Variants in PRKG1 observed in about 807,000 individuals in gnomAD.
PRKG1 encodes the protein protein kinase cGMP-dependent 1.
A neutral mutation model predicts 88.1 loss-of-function variants in PRKG1; 35 were observed. That is an observed-to-expected ratio of 0.40 (90% CI 0.30 to 0.53). PRKG1 has a LOEUF of 0.53. Among genes scored for constraint, PRKG1 ranks in the 20% least tolerant of loss-of-function variants. The pLI is 0.59. For missense variants in PRKG1, 540 were observed against 839.8 expected (o/e 0.64, Z 4.41); for synonymous variants, 303 against 292.5 (o/e 1.04, Z -0.37).
intron 7 of PRKG1, among the ~76,000 whole-genome samples, chr10:52,079,945 A>T (rs1300938881): frequency 6.6e-6 from 1 of 152,164 alleles, no homozygotes; most frequent in African/African-American, 2.4e-5. Context: ...GTCCCATGAT[A>T]GGTCCATAAA....
chr10:51,448,223 G>A (rs1037325898), intron 2 of PRKG1, among the ~76,000 whole-genome samples: 56 of 151,944 alleles, frequency 3.7e-4, no homozygotes, highest in African/African-American at 1.3e-3. Flanking sequence ...ACTCCATTCT[G>A]GGCAATAGAG....
At chr10:51,792,161 G>C (rs1280439477) in intron 3 of PRKG1, among the ~76,000 whole-genome samples, 1 of 152,072 alleles carries the variant, frequency 6.6e-6, no homozygotes, top group African/African-American at 2.4e-5. Context: ...GCTCACAAGT[G>C]ATTGTGTGAT....
intron 3 of PRKG1, among the ~76,000 whole-genome samples, chr10:51,780,286 A>T (rs1399489992): frequency 1.3e-5 from 2 of 152,106 alleles, no homozygotes; most frequent in Non-Finnish European, 2.9e-5. Flanking sequence ...CTTTCCCTAC[A>T]TACTTTCTTC....
At chr10:51,147,956 C>T (rs897161562) in intron 1 of PRKG1, among the ~76,000 whole-genome samples, 4 of 152,170 alleles carry the variant, frequency 2.6e-5, no homozygotes, top group African/African-American at 9.6e-5. Context: ...TAGTTCTTAG[C>T]TCTTAGCCAG....
chr10:51,313,892 T>A (rs1279937942), intron 2 of PRKG1, among the ~76,000 whole-genome samples: 1 of 152,208 alleles, frequency 6.6e-6, no homozygotes, highest in Non-Finnish European at 1.5e-5. Flanking sequence ...GTTTTGCTTT[T>A]TGGAATTTCA....
intron 7 of PRKG1, among the ~76,000 whole-genome samples, chr10:52,082,685 A>G (rs1171699401): frequency 1.3e-5 from 2 of 152,120 alleles, no homozygotes; most frequent in Non-Finnish European, 2.9e-5. Flanking sequence ...GAAAGCACAC[A>G]CATTCTTTTT....
intron 9 of PRKG1, among the ~76,000 whole-genome samples, chr10:52,166,829 G>GTATATATGTA (rs1838474129): frequency 1.8e-4 from 1 of 5,578 alleles, no homozygotes; most frequent in African/African-American, 5.6e-4. Flanking sequence ...GTATATATAT[G>GTATATATGTA]TATATATATG....
intron 3 of PRKG1, among the ~76,000 whole-genome samples, chr10:51,763,603 CAAAAA>C (rs34657565): frequency 8.1e-6 from 1 of 124,062 alleles, no homozygotes; most frequent in Non-Finnish European, 1.7e-5. Context: ...TGATCAAATG[CAAAAA>C]AAAAAAAAAA....
chr10:51,747,000 A>G (rs1301566850), intron 3 of PRKG1, among the ~76,000 whole-genome samples: 2 of 152,182 alleles, frequency 1.3e-5, no homozygotes, highest in Non-Finnish European at 1.5e-5. Flanking sequence ...CTCTCCTGTC[A>G]TTCTTGATTC....
intron 2 of PRKG1, among the ~76,000 whole-genome samples, chr10:51,198,760 AAGTT>A (rs984832365): frequency 7.2e-5 from 11 of 152,160 alleles, no homozygotes; most frequent in African/African-American, 2.4e-4. Context: ...TCCGGGTAGA[AAGTT>A]AGTTAGACCT....
intron 9 of PRKG1, among the ~76,000 whole-genome samples, chr10:52,246,408 G>C (rs887800145): frequency 2.7e-5 from 4 of 149,544 alleles, no homozygotes; most frequent in Non-Finnish European, 6.0e-5. Flanking sequence ...TTCTATTATT[G>C]TTTTCTTGTT....
In PRKG1 at chr10:52,054,464, T is replaced by G. The variant is rs570436881; in HGVS notation, c.763-20T>G. 3.5e-5 allele frequency: 56 copies of G among 1,599,468 alleles called. No individual in the cohort carries two copies. In the South Asian group the frequency reaches 5.0e-4, roughly 14 times the overall value. ...CTTACTGCTTGCTTAATTTTTTTTC[T>G]TATTGTTTCTACTTTTCAGACCCAC... On this transcript the variant is annotated intron_variant, in intron 5 of 17. Transcript: ENST00000373980.
chr10:52,185,695 A>G (rs1378611676), intron 9 of PRKG1, among the ~76,000 whole-genome samples: 2 of 152,188 alleles, frequency 1.3e-5, no homozygotes, highest in African/African-American at 2.4e-5. Flanking sequence ...AGACTTTCTT[A>G]TACATCCTCT....
intron 3 of PRKG1, among the ~76,000 whole-genome samples, chr10:51,501,695 A>G (rs571918657): frequency 4.0e-5 from 6 of 151,622 alleles, no homozygotes; most frequent in Non-Finnish European, 8.8e-5. Flanking sequence ...TTTAGAACTG[A>G]TGTTATTAAC....
chr10:51,895,677 C>T (rs972498657), intron 4 of PRKG1, among the ~76,000 whole-genome samples: 17 of 152,004 alleles, frequency 1.1e-4, no homozygotes, highest in African/African-American at 3.6e-4. Flanking sequence ...CTTTCCCAAG[C>T]AGGTGGTTAG....
chr10:52,167,650 A>G (rs1435194880), intron 9 of PRKG1, among the ~76,000 whole-genome samples: 2 of 150,842 alleles, frequency 1.3e-5, no homozygotes, highest in Non-Finnish European at 3.0e-5. Context: ...AGCACCAAAC[A>G]ACAAAAACAC....
intron 2 of PRKG1, among the ~76,000 whole-genome samples, chr10:51,225,689 A>G (rs1046104638): frequency 3.3e-5 from 5 of 152,222 alleles, no homozygotes; most frequent in African/African-American, 1.2e-4. Flanking sequence ...GTATTTCTCT[A>G]TAGTGAAGGT....
At chr10:51,541,115 A>G (rs1237942666) in intron 3 of PRKG1, among the ~76,000 whole-genome samples, 1 of 152,162 alleles carries the variant, frequency 6.6e-6, no homozygotes, top group Non-Finnish European at 1.5e-5. Flanking sequence ...ATTTTTCCAC[A>G]GAGCAGGGTT....
intron 2 of PRKG1, among the ~76,000 whole-genome samples, chr10:51,208,428 A>C (rs1838120420): frequency 6.6e-6 from 1 of 152,140 alleles, no homozygotes; most frequent in Admixed American, 6.6e-5. Flanking sequence ...TCCCAAGTAG[A>C]CCTGGACTGA....
Sources: allele counts gnomAD v4.1 joint callset (sites outside exome capture counted in the v4.1 genomes callset), GRCh38; gene constraint gnomAD v4.1.1; transcripts MANE v1.5; gene names NCBI Gene and HGNC (gene_info 2026-07-23, HGNC 2026-07-21).